JAKMIP2: variants seen among roughly 807,000 people sequenced by gnomAD.
JAKMIP2 encodes janus kinase and microtubule interacting protein 2, also known as janus kinase and microtubule-interacting protein 2.
JAKMIP2 carries 25 observed loss-of-function variants against 115.0 expected under a neutral mutation model. The ratio of observed to expected loss-of-function variants is 0.22; its 90% CI spans 0.16 to 0.30. The LOEUF is 0.30. Among genes scored for constraint, JAKMIP2 ranks in the 10% least tolerant of loss-of-function variants. The pLI is 1.00. For missense variants in JAKMIP2, 642 were observed against 957.6 expected, an observed-to-expected ratio of 0.67 and a Z score of 4.35; for synonymous variants, 334 against 343.6, an observed-to-expected ratio of 0.97 and a Z score of 0.31.
chr5:147,692,376 A>T (rs1319077493), intron 1 of JAKMIP2, among the ~76,000 whole-genome samples: 2 of 152,156 alleles, frequency 1.3e-5, no homozygotes, highest in Non-Finnish European at 1.5e-5. Context: ...CTGTGAGAGG[A>T]TACATTTCTG....
intron 20 of JAKMIP2, among the ~76,000 whole-genome samples, chr5:147,603,358 G>T (rs574683585): frequency 6.6e-6 from 1 of 152,232 alleles, no homozygotes; most frequent in East Asian, 1.9e-4. Context: ...CTCTAGATAT[G>T]GTGCATACAG....
Position 147,586,642 on chromosome 5 carries a change from C to T in JAKMIP2, c.*5065G>A, listed in dbSNP as rs760071207. ...ACAGGAACCCTCACCAAATCAACCA[C>T]GTGTATCTCTGCCACATTAATTTGA... On this transcript the variant is annotated 3_prime_UTR_variant, in exon 22 of 22. Coordinates refer to ENST00000616793, the MANE Select transcript of JAKMIP2 (RefSeq NM_001270941.2). 1.3e-5 allele frequency: 2 copies of T among 152,080 alleles called. No homozygotes were observed. Among genetic ancestry groups the T allele is most frequent in the South Asian group, 2.1e-4 (1 of 4,826 alleles). 9.4% of individuals were successfully genotyped at this position (152,080 alleles called of 1,614,324 possible).
In JAKMIP2 at chr5:147,640,800, A is replaced by G. The variant is rs751752772; in HGVS notation, c.1305T>C (p.Ile435=). Residue 435 remains isoleucine (I), a synonymous_variant, in exon 9 of 22, where the codon ATT becomes ATC. Transcript: ENST00000616793. ...AATCCATAGAGTCCTCATCATAGCC[A>G]ATAAACGGGTCCAAAACAGGCCTCT... ...PIKRPVLDPF[I]GYDEDSMDSE... is the part of the protein sequence containing the mutation. 2 of 1,613,506 alleles carry G rather than the reference A, an allele frequency of 1.2e-6. No individual in the cohort carries two copies. Among genetic ancestry groups the G allele is most frequent in the Admixed American group, 1.7e-5 (1 of 60,012 alleles).
chr5:147,618,239 A>ACTGTT, intron 18 of JAKMIP2, 125 bp from the exon 19 acceptor site: 1 of 703,624 alleles, frequency 1.4e-6, no homozygotes, highest in Non-Finnish European at 2.4e-6. Context: ...TTAGCAAGAA[A>ACTGTT]ATAATTTTAA....
chr5:147,653,656 A>G (rs969406957), intron 3 of JAKMIP2, among the ~76,000 whole-genome samples: 2 of 152,078 alleles, frequency 1.3e-5, no homozygotes, highest in Admixed American at 1.3e-4. Context: ...CCCATTCTGT[A>G]GGTTGTCTGT....
intron 1 of JAKMIP2, among the ~76,000 whole-genome samples, chr5:147,685,206 A>G (rs1036665561): frequency 1.3e-5 from 2 of 152,196 alleles, no homozygotes; most frequent in South Asian, 2.1e-4. Context: ...GTAATGCAGA[A>G]AAAGTCTGTA....
At chr5:147,680,818 T>C (rs17496036) in intron 1 of JAKMIP2, among the ~76,000 whole-genome samples, 11,307 of 152,262 alleles carry the variant, frequency 0.074, 537 homozygotes, top group Middle Eastern at 0.17. Context: ...AACATTGAAG[T>C]TCTACCTTCT....
rs557883947 is a variant in JAKMIP2 at position 147,592,152 on chromosome 5, A to G, written c.*21-466T>C. ...GGGCTTCTATTGAACCCATCACACAAAAGTGAAAATAGTACCCAATAGGTA... is the reference window on the plus strand; with the variant it reads ...GGGCTTCTATTGAACCCATCACACAGAAGTGAAAATAGTACCCAATAGGTA... On this transcript the variant is annotated intron_variant, in intron 21 of 21. Coordinates refer to ENST00000616793, the MANE Select transcript of JAKMIP2 (RefSeq NM_001270941.2). Among the ~76,000 whole-genome samples, 7 of 152,316 alleles carry G rather than the reference A, an allele frequency of 4.6e-5. No homozygotes were observed. The South Asian group carries it at 1.5e-3, about 32-fold the overall frequency.
At chr5:147,595,437 CA>C (rs1165666885) in intron 21 of JAKMIP2, 1 of 456,984 alleles carries the variant, frequency 2.2e-6, no homozygotes, top group Non-Finnish European at 4.4e-6. Flanking sequence ...TTGCCCCCTC[CA>C]GGGGATGCAA....
Position 147,676,201 on chromosome 5 carries a change from C to T in JAKMIP2, c.-148-4247G>A, listed in dbSNP as rs540264121. Among the ~76,000 whole-genome samples the T allele has an allele frequency of 3.9e-5, 6 of 152,258 alleles. No homozygotes were observed. The East Asian group carries it at 5.8e-4, about 15-fold the overall frequency. ...ATACAAAAAAATTAGCCGGACGTGGCGGCCGGCGCCTGTAGTCCCAGCTGC... is the reference window on the plus strand; with the variant it reads ...ATACAAAAAAATTAGCCGGACGTGGTGGCCGGCGCCTGTAGTCCCAGCTGC... On this transcript the variant is annotated intron_variant, in intron 1 of 21. Transcript: ENST00000616793.
At chr5:147,596,479 AC>A (rs933864243) in intron 21 of JAKMIP2, among the ~76,000 whole-genome samples, 2 of 152,220 alleles carry the variant, frequency 1.3e-5, no homozygotes, top group Admixed American at 6.5e-5. Context: ...ATATAAAAAA[AC>A]AAATTGAATA....
intron 1 of JAKMIP2, among the ~76,000 whole-genome samples, chr5:147,781,906 C>T (rs965110619): frequency 1.3e-5 from 2 of 152,036 alleles, no homozygotes; most frequent in South Asian, 2.1e-4. Context: ...GTCAAATCTA[C>T]GTATAAAATA....
intron 19 of JAKMIP2, among the ~76,000 whole-genome samples, chr5:147,616,663 G>C (rs952881754): frequency 2.0e-5 from 3 of 152,282 alleles, no homozygotes; most frequent in Admixed American, 6.5e-5. Context: ...ATGCAATGAT[G>C]GCATAGAGTC....
chr5:147,759,378 T>C (rs1303151246), intron 1 of JAKMIP2, among the ~76,000 whole-genome samples: 2 of 152,110 alleles, frequency 1.3e-5, no homozygotes, highest in East Asian at 1.9e-4. Context: ...TTGTGGACCA[T>C]GCAGTCACAA....
At chr5:147,679,997 C>T (rs1332966188) in intron 1 of JAKMIP2, among the ~76,000 whole-genome samples, 1 of 152,098 alleles carries the variant, frequency 6.6e-6, no homozygotes, top group Non-Finnish European at 1.5e-5. Context: ...AAATCAGAAA[C>T]TGGTTTTGAA....
intron 1 of JAKMIP2, among the ~76,000 whole-genome samples, chr5:147,771,649 G>GC (rs1277296088): frequency 3.9e-5 from 6 of 151,928 alleles, no homozygotes; most frequent in African/African-American, 1.4e-4. Flanking sequence ...ATAGTTTAGG[G>GC]CCATTAGTTA....
intron 1 of JAKMIP2, among the ~76,000 whole-genome samples, chr5:147,719,353 G>T (rs1474102754): frequency 7.3e-6 from 1 of 136,750 alleles, no homozygotes; most frequent in Non-Finnish European, 1.5e-5. Context: ...TTCTGTAGAT[G>T]TCTATTAGGT....
At chr5:147,612,096 A>G in intron 20 of JAKMIP2, 1 of 715,494 alleles carries the variant, frequency 1.4e-6, no homozygotes, top group South Asian at 1.4e-5. Context: ...AAGCAACACA[A>G]AAGACAAATA....
chr5:147,597,126 G>A lies in JAKMIP2; in HGVS notation c.*20+4615C>T, dbSNP rs372709008. Among the ~76,000 whole-genome samples, 250 of 150,978 alleles carry A rather than the reference G, an allele frequency of 1.7e-3. 5 individuals carry two copies. In the East Asian group the frequency reaches 0.034, roughly 20 times the overall value. On this transcript the variant is annotated intron_variant, in intron 21 of 21. Coordinates refer to ENST00000616793, the MANE Select transcript of JAKMIP2 (RefSeq NM_001270941.2). Reference sequence around the variant, plus strand: ...TCGAACTCCTGACCTCAGGTGATCCGCCTGCCTCAGCCTCCCAAAGTGCTG... The same window carrying A: ...TCGAACTCCTGACCTCAGGTGATCCACCTGCCTCAGCCTCCCAAAGTGCTG...
Sources: gnomAD v4.1 joint callset for allele counts (sites outside exome capture counted in the v4.1 genomes callset) on GRCh38, gnomAD v4.1.1 for gene constraint, MANE v1.5 for transcripts, NCBI Gene and HGNC (gene_info 2026-07-23, HGNC 2026-07-21) for gene names.